The following CHN2 variants were observed in gnomAD, a reference collection of about 807,000 sequenced individuals.
CHN2 encodes the protein beta-chimaerin.
Under a neutral mutation model 56.3 loss-of-function variants are expected in CHN2, and 35 were observed. That is an observed-to-expected ratio of 0.62 (90% CI 0.47 to 0.82). The LOEUF (loss-of-function observed/expected upper bound fraction) is 0.82, where lower values mean the gene tolerates loss of function less well. Among genes scored for constraint, CHN2 ranks in the 40% least tolerant of loss-of-function variants. The probability of loss-of-function intolerance (pLI) is 0.00; values close to 1 mark genes in which losing one functional copy is unlikely to be tolerated. For missense variants in CHN2, 491 were observed against 580.5 expected, an observed-to-expected ratio of 0.85 and a Z score of 1.58; for synonymous variants, 210 against 212.8, an observed-to-expected ratio of 0.99 and a Z score of 0.12.
At chr7:29,416,371 T>C (rs1803742599) in intron 6 of CHN2, among the ~76,000 whole-genome samples, 1 of 152,234 alleles carries the variant, frequency 6.6e-6, no homozygotes, top group South Asian at 2.1e-4. Flanking sequence ...GTTTAAAGGA[T>C]ATTGAAATGG....
At chr7:29,314,240 C>T (rs1200268786) in intron 1 of CHN2, among the ~76,000 whole-genome samples, 1 of 152,178 alleles carries the variant, frequency 6.6e-6, no homozygotes, top group Non-Finnish European at 1.5e-5. Flanking sequence ...ATACATGCCA[C>T]AACATGGATG....
In CHN2 at chr7:29,512,577, G is replaced by A. The variant is rs148488533; in HGVS notation, c.1249G>A (p.Glu417Lys). 496 of 1,612,504 alleles carry A rather than the reference G, an allele frequency of 3.1e-4. No individual in the cohort carries two copies. Among genetic ancestry groups the A allele is most frequent in the Non-Finnish European group, 3.9e-4 (459 of 1,179,514 alleles). ...TTTGTTTTGCAGGGTTACTATGAAT[G>A]AAAAAGACAATTTCATGAATGCAGA... is the stretch of plus-strand genomic sequence containing the variant. ...MIHLKKVTMN[E>K]KDNFMNAENL... The change falls in exon 13 of 13, where the codon GAA becomes AAA. Residue 417 changes from glutamate to lysine, a missense_variant. Transcript: ENST00000222792.
chr7:29,266,656 G>A (rs558025434), intron 1 of CHN2, among the ~76,000 whole-genome samples: 6 of 152,296 alleles, frequency 3.9e-5, no homozygotes, highest in South Asian at 2.1e-4. Flanking sequence ...ATTTGGAAAG[G>A]ACTATGATTT....
At chr7:29,320,481 G>A (rs1368916527) in intron 1 of CHN2, among the ~76,000 whole-genome samples, 2 of 152,098 alleles carry the variant, frequency 1.3e-5, no homozygotes, top group Non-Finnish European at 2.9e-5. Flanking sequence ...CACATTTTCT[G>A]CAACTTTATT....
chr7:29,426,994 G>C (rs1013452801), intron 6 of CHN2, among the ~76,000 whole-genome samples: 8 of 152,144 alleles, frequency 5.3e-5, no homozygotes, highest in African/African-American at 1.9e-4. Flanking sequence ...TCTGCCCACA[G>C]CTGGAGAAAA....
chr7:29,430,769 G>T (rs947324451), intron 6 of CHN2, among the ~76,000 whole-genome samples: 1 of 136,756 alleles, frequency 7.3e-6, no homozygotes, highest in Admixed American at 7.8e-5. Flanking sequence ...GTCCTAAGCA[G>T]AGGGTAAGAA....
intron 1 of CHN2, among the ~76,000 whole-genome samples, chr7:29,297,149 T>C (rs12670140): frequency 0.068 from 10,367 of 152,270 alleles, 434 homozygotes; most frequent in East Asian, 0.21. Context: ...ACAGGGACCC[T>C]CAGCGGAGCA....
intron 1 of CHN2, among the ~76,000 whole-genome samples, chr7:29,286,511 G>A (rs931100440): frequency 1.3e-5 from 2 of 152,162 alleles, no homozygotes; most frequent in African/African-American, 2.4e-5. Flanking sequence ...TGGGGCAGGG[G>A]CGAAGCCAGC....
chr7:29,393,977 C>T (rs192667711), intron 4 of CHN2, among the ~76,000 whole-genome samples: 32 of 152,274 alleles, frequency 2.1e-4, no homozygotes, highest in South Asian at 1.9e-3. Flanking sequence ...GTACTTGAAA[C>T]GGAAGGCAGC....
intron 1 of CHN2, among the ~76,000 whole-genome samples, chr7:29,281,491 G>A (rs1791712127): frequency 6.6e-6 from 1 of 152,198 alleles, no homozygotes; most frequent in African/African-American, 2.4e-5. Flanking sequence ...CCTAGGATTG[G>A]AATTGCTGCA....
chr7:29,236,571 T>G lies in CHN2; in HGVS notation c.49+41581T>G, dbSNP rs144292630. 4.3e-3 allele frequency among the ~76,000 whole-genome samples: 659 copies of G among 152,338 alleles called. 7 individuals are homozygous for G. Among genetic ancestry groups the G allele is most frequent in the African/African-American group, 0.015 (618 of 41,592 alleles). ...CCTGGACCCTAGAAGACCTAGGACA[T>G]TCTCCAACTAGATTTGCTGAAGGAC... On this transcript the variant is annotated intron_variant, in intron 1 of 12. Transcript: ENST00000222792.
intron 6 of CHN2, among the ~76,000 whole-genome samples, chr7:29,459,329 A>G (rs1317936622): frequency 2.0e-5 from 3 of 151,854 alleles, no homozygotes; most frequent in African/African-American, 7.3e-5. Context: ...TCTTTCTCTC[A>G]CTATTCCTCC....
chr7:29,354,975 T>TTTTA (rs1554278454), intron 2 of CHN2, among the ~76,000 whole-genome samples: 1 of 69,210 alleles, frequency 1.4e-5, no homozygotes, highest in Non-Finnish European at 3.2e-5. Context: ...TTTATTTATT[T>TTTTA]TTTATTTATT....
intron 1 of CHN2, among the ~76,000 whole-genome samples, chr7:29,291,538 C>G (rs1792628181): frequency 1.3e-5 from 2 of 152,138 alleles, no homozygotes; most frequent in Admixed American, 1.3e-4. Context: ...ATTTCAAAAT[C>G]TACCATGGAC....
At chr7:29,250,534 AT>A (rs559246978) in intron 1 of CHN2, among the ~76,000 whole-genome samples, 30 of 152,330 alleles carry the variant, frequency 2.0e-4, no homozygotes, top group Middle Eastern at 3.4e-3. Context: ...TTCATGAATT[AT>A]AACATGACTC....
At position 29,194,986 on chromosome 7, in the gene CHN2, C is replaced by T. The variant is rs1367688352; in HGVS notation, c.45C>T (p.Ser15=). The T allele has an allele frequency of 1.3e-6, 2 of 1,587,198 alleles. No individual in the cohort carries two copies. The highest frequency in any genetic ancestry group is 8.6e-7 in the Non-Finnish European group (1 of 1,169,292). The part of the protein sequence containing the change: ...SNSSLSGSSV[S]SDAEEYQPPI... ...CCAGCCTGTCCGGCTCGTCGGTGTC[C>T]TCCGGTGAGTTTCAGCCCGTCGGGC... Residue 15 remains serine (S), a synonymous_variant, in exon 1 of 13, where the codon TCC becomes TCT. Transcript: ENST00000222792.
intron 2 of CHN2, among the ~76,000 whole-genome samples, chr7:29,172,613 A>G (rs1410264614): frequency 1.3e-5 from 2 of 152,218 alleles, no homozygotes; most frequent in Non-Finnish European, 2.9e-5. Flanking sequence ...ATTTAAGAAA[A>G]GCTTAGTAAA....
At chr7:29,490,363 C>T (rs1357539334) in intron 7 of CHN2, among the ~76,000 whole-genome samples, 1 of 152,114 alleles carries the variant, frequency 6.6e-6, no homozygotes, top group East Asian at 1.9e-4. Flanking sequence ...ATTATTCTCT[C>T]CATTATACTA....
chr7:29,449,946 C>T (rs569928388), intron 6 of CHN2, among the ~76,000 whole-genome samples: 31 of 152,294 alleles, frequency 2.0e-4, no homozygotes, highest in Non-Finnish European at 3.2e-4. Context: ...CCAGAGAAAA[C>T]GATCACAGGC....
Sources: allele counts gnomAD v4.1 joint callset (sites outside exome capture counted in the v4.1 genomes callset), GRCh38; gene constraint gnomAD v4.1.1; transcripts MANE v1.5; gene names NCBI Gene and HGNC (gene_info 2026-07-23, HGNC 2026-07-21).